Variants in IRAK2 observed in about 807,000 individuals in gnomAD.
IRAK2 encodes interleukin-1 receptor-associated kinase-like 2.
In IRAK2, 57 loss-of-function variants were observed where a neutral mutation model predicts 72.0. The ratio of observed to expected loss-of-function variants is 0.79; its 90% CI spans 0.64 to 0.99. The LOEUF (loss-of-function observed/expected upper bound fraction) is 0.99, where lower values mean the gene tolerates loss of function less well. Among genes scored for constraint, IRAK2 ranks in the 50% least tolerant of loss-of-function variants. The pLI, the probability that IRAK2 is intolerant of heterozygous loss-of-function variation, is 0.00. For synonymous variants in IRAK2, 293 were observed against 312.7 expected (o/e 0.94, Z 0.67); for missense variants, 790 against 794.4 (o/e 0.99, Z 0.07).
chr3:10,193,445 AAAAAACAAAAAC>A (rs368764231), intron 2 of IRAK2, among the ~76,000 whole-genome samples: 2 of 151,600 alleles, frequency 1.3e-5, no homozygotes, highest in Non-Finnish European at 2.9e-5. Flanking sequence ...CTCTACCAAA[AAAAAACAAAAAC>A]AAAAACAAAA....
At chr3:10,203,786 C>T (rs1490117930) in intron 3 of IRAK2, among the ~76,000 whole-genome samples, 1 of 152,188 alleles carries the variant, frequency 6.6e-6, no homozygotes, top group Non-Finnish European at 1.5e-5. Flanking sequence ...TGCGCGCCAC[C>T]ACGCCCAGCT....
chr3:10,175,158 C>G (rs1337209303), intron 1 of IRAK2, among the ~76,000 whole-genome samples: 1 of 151,998 alleles, frequency 6.6e-6, no homozygotes, highest in African/African-American at 2.4e-5. Flanking sequence ...GACTCAGTCT[C>G]TGTCGCTCAG....
At chr3:10,175,814 C>G (rs747025853) in intron 1 of IRAK2, among the ~76,000 whole-genome samples, 1 of 139,150 alleles carries the variant, frequency 7.2e-6, no homozygotes, top group East Asian at 2.2e-4. Context: ...GGCCTGAACC[C>G]GGGAGGCGGA....
chr3:10,240,458 G>GA (rs200409471), intron 12 of IRAK2, among the ~76,000 whole-genome samples: 16 of 114,218 alleles, frequency 1.4e-4, no homozygotes, highest in South Asian at 3.2e-4. Context: ...CTGTCTCAGG[G>GA]AAAAAAAAAA....
At position 10,200,330 on chromosome 3, in the gene IRAK2, C is replaced by T. The variant is rs755070437; in HGVS notation, c.278-39C>T. ...CAGTCTCTCAATGGCTACCCCACTTCATGGAATAGTAATAACTTTCTTTCC... is the reference window on the plus strand; with the variant it reads ...CAGTCTCTCAATGGCTACCCCACTTTATGGAATAGTAATAACTTTCTTTCC... On this transcript the variant is annotated intron_variant, in intron 2 of 12. Coordinates refer to ENST00000256458, the MANE Select transcript of IRAK2 (RefSeq NM_001570.4). 5 of 1,532,728 alleles carry T rather than the reference C, an allele frequency of 3.3e-6. No homozygotes were observed. The East Asian group carries it at 9.2e-5, about 28-fold the overall frequency. 94.9% of individuals were successfully genotyped at this position (1,532,728 alleles called of 1,614,324 possible). A position where few individuals can be genotyped will look rare whatever the true frequency, so the allele number is the denominator to read the frequency against.
chr3:10,207,796 C>T (rs1256760835), intron 3 of IRAK2, among the ~76,000 whole-genome samples: 1 of 152,084 alleles, frequency 6.6e-6, no homozygotes, highest in East Asian at 1.9e-4. Flanking sequence ...AGTTCAAAAC[C>T]AGCCTGGCCA....
chr3:10,190,655 C>A (rs537051265), intron 2 of IRAK2, among the ~76,000 whole-genome samples: 78 of 152,236 alleles, frequency 5.1e-4, no homozygotes, highest in Non-Finnish European at 9.1e-4. Context: ...GTGAAGTGAA[C>A]CATCCTTTAT....
intron 1 of IRAK2, among the ~76,000 whole-genome samples, chr3:10,166,631 A>T (rs1696693023): frequency 1.3e-5 from 2 of 152,118 alleles, no homozygotes; most frequent in African/African-American, 4.8e-5. Context: ...ATAAGTCATA[A>T]GTTGTAATAT....
intron 1 of IRAK2, among the ~76,000 whole-genome samples, chr3:10,169,115 G>A (rs1696749969): frequency 6.6e-6 from 1 of 152,140 alleles, no homozygotes; most frequent in Non-Finnish European, 1.5e-5. Flanking sequence ...GTTTTTATTA[G>A]GGATTTCAAA....
intron 1 of IRAK2, among the ~76,000 whole-genome samples, chr3:10,169,630 C>T (rs1696764666): frequency 6.6e-6 from 1 of 152,226 alleles, no homozygotes; most frequent in African/African-American, 2.4e-5. Flanking sequence ...CTGAACATCA[C>T]TGTTATTCTG....
chr3:10,183,180 T>TA (rs1169553078), intron 2 of IRAK2, among the ~76,000 whole-genome samples: 8 of 152,196 alleles, frequency 5.3e-5, no homozygotes, highest in Non-Finnish European at 1.0e-4. Context: ...CTGAGGGACT[T>TA]ACCTCTCCAG....
At chr3:10,175,804 G>A (rs1696863795) in intron 1 of IRAK2, among the ~76,000 whole-genome samples, 1 of 150,348 alleles carries the variant, frequency 6.7e-6, no homozygotes, top group Non-Finnish European at 1.5e-5. Flanking sequence ...GCCGGAGAAT[G>A]GCCTGAACCC....
At chr3:10,199,385 A>T (rs1044956386) in intron 2 of IRAK2, among the ~76,000 whole-genome samples, 27 of 152,194 alleles carry the variant, frequency 1.8e-4, no homozygotes, top group African/African-American at 6.3e-4. Context: ...TAACCTGCTC[A>T]GGCCTCAGTT....
intron 2 of IRAK2, among the ~76,000 whole-genome samples, chr3:10,186,376 C>A (rs2125146148): frequency 6.6e-6 from 1 of 151,874 alleles, no homozygotes; most frequent in East Asian, 1.9e-4. Flanking sequence ...CTAATCAGTT[C>A]TGCTGTGGTA....
At position 10,242,494 on chromosome 3, in the gene IRAK2, C is replaced by T. The variant is rs927226259; in HGVS notation, c.*266C>T. 12 of 233,346 alleles carry T rather than the reference C, an allele frequency of 5.1e-5. No homozygotes were observed. The highest frequency in any genetic ancestry group is 8.3e-5 in the Non-Finnish European group (10 of 120,346). The allele number at this position is 233,346 out of a possible 1,614,324, so 14.5% of individuals were successfully genotyped here. Reference sequence around the variant, plus strand: ...GATCAGAGGAGACTGAAGCAGAAACCCTGCACACGGGCCCAGGATGTGGCT... The same window carrying T: ...GATCAGAGGAGACTGAAGCAGAAACTCTGCACACGGGCCCAGGATGTGGCT... On this transcript the variant is annotated 3_prime_UTR_variant, in exon 13 of 13. Transcript: ENST00000256458.
intron 1 of IRAK2, among the ~76,000 whole-genome samples, chr3:10,171,769 C>CTT (rs145535598): frequency 1.1e-3 from 152 of 138,056 alleles, no homozygotes; most frequent in African/African-American, 2.1e-3. Flanking sequence ...TGCACCCAGC[C>CTT]TTTTTTTTTT....
At position 10,165,535 on chromosome 3, in the gene IRAK2, G is replaced by A. The variant is rs182892469; in HGVS notation, c.94+487G>A. Among the ~76,000 whole-genome samples the A allele has an allele frequency of 2.6e-3, 389 of 152,014 alleles. 2 individuals carry two copies. Among genetic ancestry groups the A allele is most frequent in the African/African-American group, 8.7e-3 (359 of 41,446 alleles). On this transcript the variant is annotated intron_variant, in intron 1 of 12. Transcript: ENST00000256458. ...ATTGAAACGGAGTTTCGCTGTTGTT[G>A]CCCAGGCTGGAGTGCAATGGCACGG...
intron 2 of IRAK2, among the ~76,000 whole-genome samples, chr3:10,195,548 C>CAA (rs553829037): frequency 2.4e-5 from 3 of 125,750 alleles, no homozygotes; most frequent in Non-Finnish European, 3.5e-5. Flanking sequence ...CACCCTGTCT[C>CAA]AAAAAAAAAA....
Position 10,214,793 on chromosome 3 carries a change from T to C in IRAK2, c.788+1245T>C, listed in dbSNP as rs569906417. 1.0e-3 allele frequency among the ~76,000 whole-genome samples: 155 copies of C among 151,708 alleles called. 1 individual carries two copies. The highest frequency in any genetic ancestry group is 6.8e-3 in the Middle Eastern group (2 of 294). ...GACCCTGTCTCAACTGAAAAAAATA[T>C]ATATACAAAAACTTTTTTTGGCTGG... On this transcript the variant is annotated intron_variant, in intron 6 of 12. Coordinates refer to ENST00000256458, the MANE Select transcript of IRAK2 (RefSeq NM_001570.4).
Sources: gnomAD v4.1 joint callset for allele counts (sites outside exome capture counted in the v4.1 genomes callset) on GRCh38, gnomAD v4.1.1 for gene constraint, MANE v1.5 for transcripts, NCBI Gene and HGNC (gene_info 2026-07-23, HGNC 2026-07-21) for gene names.